The following HS6ST3 variants were observed in gnomAD, a reference collection of about 807,000 sequenced individuals.
HS6ST3 encodes heparan sulfate 6-O-sulfotransferase 3.
HS6ST3 carries 12 observed loss-of-function variants against 36.7 expected under a neutral mutation model. The observed-to-expected ratio is 0.33, with a 90% CI of 0.21 to 0.53. HS6ST3 has a LOEUF of 0.53. Among genes scored for constraint, HS6ST3 ranks in the 20% least tolerant of loss-of-function variants. The probability of loss-of-function intolerance (pLI) is 0.95; values close to 1 mark genes in which losing one functional copy is unlikely to be tolerated. For missense variants in HS6ST3, 584 were observed against 640.9 expected, an observed-to-expected ratio of 0.91 and a Z score of 0.96; for synonymous variants, 240 against 257.5, an observed-to-expected ratio of 0.93 and a Z score of 0.65.
At chr13:96,335,239 T>C (rs1382167139) in intron 1 of HS6ST3, among the ~76,000 whole-genome samples, 1 of 152,162 alleles carries the variant, frequency 6.6e-6, no homozygotes, top group African/African-American at 2.4e-5. Context: ...CGACATCCAA[T>C]GTGAGGTGTC....
chr13:96,241,666 T>A (rs2054560832), intron 1 of HS6ST3, among the ~76,000 whole-genome samples: 1 of 151,054 alleles, frequency 6.6e-6, no homozygotes, highest in East Asian at 1.9e-4. Context: ...GATAAGGTAA[T>A]CAATAAAAGA....
At chr13:96,574,769 C>T (rs951770683) in intron 1 of HS6ST3, among the ~76,000 whole-genome samples, 3 of 152,118 alleles carry the variant, frequency 2.0e-5, no homozygotes, top group African/African-American at 7.2e-5. Context: ...GTGGGAATTA[C>T]TGTGTGGGTT....
chr13:96,612,056 G>A (rs2056458817), intron 1 of HS6ST3, among the ~76,000 whole-genome samples: 1 of 152,150 alleles, frequency 6.6e-6, no homozygotes, highest in African/African-American at 2.4e-5. Context: ...AGTCTCATAT[G>A]GGGATAAAAG....
intron 1 of HS6ST3, among the ~76,000 whole-genome samples, chr13:96,652,204 C>T (rs2056609866): frequency 1.3e-5 from 2 of 151,948 alleles, no homozygotes; most frequent in South Asian, 4.2e-4. Flanking sequence ...TAAAACTCTA[C>T]CATTATATAT....
intron 1 of HS6ST3, among the ~76,000 whole-genome samples, chr13:96,665,065 A>C (rs2056659012): frequency 6.6e-6 from 1 of 152,096 alleles, no homozygotes; most frequent in Admixed American, 6.6e-5. Context: ...CCAACTACTC[A>C]GGAGGCTGAG....
chr13:96,741,089 G>A (rs1316756928), intron 1 of HS6ST3, among the ~76,000 whole-genome samples: 5 of 152,114 alleles, frequency 3.3e-5, no homozygotes, highest in South Asian at 4.1e-4. Context: ...GTAACTTTCT[G>A]TCTGGAAAAC....
intron 1 of HS6ST3, among the ~76,000 whole-genome samples, chr13:96,519,632 T>C: frequency 6.6e-6 from 1 of 152,232 alleles, no homozygotes; most frequent in East Asian, 1.9e-4. Flanking sequence ...TATTTGCCTA[T>C]TCATAGCTTA....
At chr13:96,106,515 C>A (rs527240168) in intron 1 of HS6ST3, among the ~76,000 whole-genome samples, 1 of 152,292 alleles carries the variant, frequency 6.6e-6, no homozygotes, top group South Asian at 2.1e-4. Context: ...TTACAGACAG[C>A]AGCCTTGTGA....
chr13:96,590,049 G>T (rs1594813463), intron 1 of HS6ST3, among the ~76,000 whole-genome samples: 1 of 152,084 alleles, frequency 6.6e-6, no homozygotes, highest in Non-Finnish European at 1.5e-5. Context: ...ACTCCTTTGT[G>T]TATGTGTACT....
chr13:96,199,104 A>T (rs182725182), intron 1 of HS6ST3, among the ~76,000 whole-genome samples: 66 of 152,308 alleles, frequency 4.3e-4, no homozygotes, highest in Middle Eastern at 3.4e-3. Flanking sequence ...ATTCACTGTC[A>T]TGAGAATAGC....
intron 1 of HS6ST3, among the ~76,000 whole-genome samples, chr13:96,502,359 C>CTTT (rs11410300): frequency 2.9e-5 from 4 of 139,090 alleles, no homozygotes; most frequent in East Asian, 4.2e-4. Flanking sequence ...TCTTCACGGG[C>CTTT]TTTTTTTTTT....
intron 1 of HS6ST3, among the ~76,000 whole-genome samples, chr13:96,222,796 C>T (rs76463663): frequency 0.012 from 1,761 of 152,300 alleles, 37 homozygotes; most frequent in African/African-American, 0.041. Context: ...TCCTTCTCCA[C>T]TTGAATATTA....
chr13:96,559,839 G>A (rs2056255502), intron 1 of HS6ST3, among the ~76,000 whole-genome samples: 2 of 152,040 alleles, frequency 1.3e-5, no homozygotes, highest in Admixed American at 1.3e-4. Flanking sequence ...TTGTGCAGCT[G>A]GGAATTGCAA....
chr13:96,364,680 ATAG>A (rs1214513962), intron 1 of HS6ST3, among the ~76,000 whole-genome samples: 1 of 152,150 alleles, frequency 6.6e-6, no homozygotes, highest in Non-Finnish European at 1.5e-5. Context: ...CAGGAAATGG[ATAG>A]TGGTGATGGT....
chr13:96,118,643 AAGAT>A (rs1566886382), intron 1 of HS6ST3, among the ~76,000 whole-genome samples: 3 of 67,962 alleles, frequency 4.4e-5, no homozygotes, highest in African/African-American at 1.8e-4. Context: ...AAGAACATTA[AAGAT>A]ATATATATAT....
At chr13:96,690,855 C>A (rs895975316) in intron 1 of HS6ST3, among the ~76,000 whole-genome samples, 1 of 152,014 alleles carries the variant, frequency 6.6e-6, no homozygotes, top group Non-Finnish European at 1.5e-5. Flanking sequence ...TGTCACTGCT[C>A]AACTATGATT....
chr13:96,630,888 A>C (rs956727701), intron 1 of HS6ST3, among the ~76,000 whole-genome samples: 3 of 152,120 alleles, frequency 2.0e-5, no homozygotes, highest in Admixed American at 2.0e-4. Context: ...CAGAAATGGG[A>C]AGTCCTTTCT....
At chr13:96,813,329 C>T (rs1234374549) in intron 1 of HS6ST3, among the ~76,000 whole-genome samples, 1 of 152,124 alleles carries the variant, frequency 6.6e-6, no homozygotes, top group Non-Finnish European at 1.5e-5. Flanking sequence ...GGAAGGGTAT[C>T]AAAGGGCCTC....
At chr13:96,550,295 C>T (rs1294553005) in intron 1 of HS6ST3, among the ~76,000 whole-genome samples, 1 of 152,098 alleles carries the variant, frequency 6.6e-6, no homozygotes, top group Non-Finnish European at 1.5e-5. Context: ...CTGGAACCCC[C>T]TTCTTTCTCT....
Sources: gnomAD v4.1 joint callset for allele counts (sites outside exome capture counted in the v4.1 genomes callset) on GRCh38, gnomAD v4.1.1 for gene constraint, MANE v1.5 for transcripts, NCBI Gene and HGNC (gene_info 2026-07-23, HGNC 2026-07-21) for gene names.